LIPN: variants seen among roughly 807,000 people sequenced by gnomAD.
LIPN encodes the protein lipase member N.
Under a neutral mutation model 43.7 loss-of-function variants are expected in LIPN, and 32 were observed. The ratio of observed to expected loss-of-function variants is 0.73; its 90% CI spans 0.55 to 0.98. The LOEUF (loss-of-function observed/expected upper bound fraction) is 0.98, where lower values mean the gene tolerates loss of function less well. Among genes scored for constraint, LIPN ranks in the 50% least tolerant of loss-of-function variants. LIPN has a pLI of 0.00. For missense variants in LIPN, 505 were observed against 483.8 expected, an observed-to-expected ratio of 1.04 and a Z score of -0.41; for synonymous variants, 156 against 157.6, an observed-to-expected ratio of 0.99 and a Z score of 0.08.
intron 3 of LIPN, 96 bp from the exon 4 acceptor site, chr10:88,764,314 G>A: frequency 1.1e-6 from 1 of 926,694 alleles, no homozygotes; most frequent in Non-Finnish European, 1.7e-6. Context: ...TGTCTGTGAT[G>A]TTTCCGACAT....
chr10:88,763,918 A>T (rs1316992303), intron 3 of LIPN, among the ~76,000 whole-genome samples: 1 of 152,038 alleles, frequency 6.6e-6, no homozygotes, highest in African/African-American at 2.4e-5. Flanking sequence ...TAAGCATGAT[A>T]AATTTTGTGT....
chr10:88,766,173 G>A, intron 4 of LIPN, 96 bp from the exon 5 acceptor site: 2 of 692,048 alleles, frequency 2.9e-6, no homozygotes, highest in Admixed American at 4.6e-5. Context: ...TAAGTAAACA[G>A]CATAGAATCT....
intron 2 of LIPN, 23 bp downstream of exon 2, chr10:88,761,536 G>A (rs368757108): frequency 2.2e-5 from 33 of 1,508,238 alleles, no homozygotes; most frequent in Non-Finnish European, 2.9e-5. Flanking sequence ...AAACTGTGAA[G>A]AACATCAAAT....
At position 88,770,855 on chromosome 10, in the gene LIPN, G is replaced by A; in HGVS notation, c.683G>A (p.Gly228Asp). The stretch of plus-strand genomic sequence containing the variant: ...TATTTACTTTCATAGGCTGTTTTTG[G>A]TACCAAAGGTTTCTTTTTAGAAGAT... ...LPNSIIKAVF[G>D]TKGFFLEDKK... The change falls in exon 7 of 10, where the codon GGT becomes GAT. Residue 228 changes from glycine to aspartate, a missense_variant. Transcript: ENST00000404459. 2 of 1,510,180 alleles carry A rather than the reference G, an allele frequency of 1.3e-6. No homozygotes were observed. The highest frequency in any genetic ancestry group is 2.5e-5 in the South Asian group (2 of 80,518). The allele number at this position is 1,510,180 out of a possible 1,614,324, so 93.5% of individuals were successfully genotyped here. A position where few individuals can be genotyped will look rare whatever the true frequency, so the allele number is the denominator to read the frequency against.
At chr10:88,774,244 A>G (rs536229141) in intron 7 of LIPN, among the ~76,000 whole-genome samples, 2 of 152,156 alleles carry the variant, frequency 1.3e-5, no homozygotes, top group South Asian at 4.1e-4. Flanking sequence ...ATTATCCTAC[A>G]GATTCAGAGC....
chr10:88,767,644 CAAAAA>C (rs61646268), intron 5 of LIPN, among the ~76,000 whole-genome samples: 2 of 61,522 alleles, frequency 3.3e-5, no homozygotes, highest in African/African-American at 1.3e-4. Flanking sequence ...ACTTGATCTG[CAAAAA>C]AAAAAAAAAA....
rs1433391929 is a variant in LIPN, at chr10:88,779,453, T to C, written c.*1211T>C. ...TCACTATGAAAACCATGTGATAATA[T>C]GGAAAAATACCCATGATATAATGTT... On this transcript the variant is annotated 3_prime_UTR_variant, in exon 10 of 10. Coordinates refer to ENST00000404459, the MANE Select transcript of LIPN (RefSeq NM_001102469.2). Among the ~76,000 whole-genome samples, 1 of 152,110 alleles carries C rather than the reference T, an allele frequency of 6.6e-6. No individual in the cohort carries two copies. Among genetic ancestry groups the C allele is most frequent in the Non-Finnish European group, 1.5e-5 (1 of 68,008 alleles).
Position 88,766,307 on chromosome 10 carries a change from T to C in LIPN, c.464T>C (p.Ile155Thr), listed in dbSNP as rs751384585. 6.8e-6 allele frequency: 11 copies of C among 1,609,248 alleles called. No individual in the cohort carries two copies. Among genetic ancestry groups the C allele is most frequent in the Admixed American group, 5.0e-5 (3 of 59,752 alleles). The stretch of plus-strand genomic sequence containing the variant: ...GCCAAATATGATCTCCCAGGAGTAA[T>C]AGACTTCATTGTAAATAAAACTGGT... ...EMAKYDLPGV[I>T]DFIVNKTGQE... The change falls in exon 5 of 10, where the codon ATA becomes ACA. Residue 155 changes from isoleucine (I) to threonine (T), a missense_variant. Coordinates refer to ENST00000404459, the MANE Select transcript of LIPN (RefSeq NM_001102469.2).
chr10:88,764,463 T>C lies in LIPN; in HGVS notation c.280T>C (p.Trp94Arg), dbSNP rs375285604. The C allele has an allele frequency of 1.9e-6, 3 of 1,612,392 alleles. No individual in the cohort carries two copies. The African/African-American group carries it at 4.0e-5, about 22-fold the overall frequency. ...TGCCCTGTTTGCAGACAATGCCTAC[T>C]GGCTTGAGAATTATGCTAATGGAAG... ...QHALFADNAY[W>R]LENYANGSLG... is the part of the protein sequence containing the mutation. The change falls in exon 4 of 10, where the codon TGG becomes CGG. Residue 94 changes from tryptophan (W) to arginine (R), a missense_variant. Physicochemically the swap from Trp to Arg is moderately radical, Grantham distance 101. Transcript: ENST00000404459.
chr10:88,777,596 A>G (rs1388296122), intron 9 of LIPN, among the ~76,000 whole-genome samples: 1 of 151,644 alleles, frequency 6.6e-6, no homozygotes, highest in Non-Finnish European at 1.5e-5. Flanking sequence ...ATTCCTTTAC[A>G]TATTCTGTTC....
chr10:88,779,419 G>A lies in LIPN; in HGVS notation c.*1177G>A, dbSNP rs186133004. Among the ~76,000 whole-genome samples the A allele has an allele frequency of 9.1e-4, 138 of 152,206 alleles. No homozygotes were observed. Among genetic ancestry groups the A allele is most frequent in the Non-Finnish European group, 1.6e-3 (107 of 68,008 alleles). On this transcript the variant is annotated 3_prime_UTR_variant, in exon 10 of 10. Transcript: ENST00000404459. The stretch of plus-strand genomic sequence containing the variant: ...AATTTAATGTATACGTATTGATGGG[G>A]AATAATGGTCACTATGAAAACCATG...
rs753797366 is a variant in LIPN at position 88,774,647 on chromosome 10, C to T, written c.891+103C>T. 7.9e-5 allele frequency: 74 copies of T among 934,226 alleles called. 3 individuals carry two copies. The highest frequency in any genetic ancestry group is 5.6e-4 in the Middle Eastern group (2 of 3,566). The allele number at this position is 934,226 out of a possible 1,614,324, so 57.9% of individuals were successfully genotyped here. ...AGGCCTACCCTAAGAATCTTAAGAG[C>T]TTGCTTCCAGTTTGTCCTTGCTGCC... On this transcript the variant is annotated intron_variant, in intron 8 of 9. Transcript: ENST00000404459.
In LIPN at chr10:88,779,548, A is replaced by G. The variant is rs1307453731; in HGVS notation, c.*1306A>G. Among the ~76,000 whole-genome samples, 1 of 152,218 alleles carries G rather than the reference A, an allele frequency of 6.6e-6. No homozygotes were observed. Among genetic ancestry groups the G allele is most frequent in the Non-Finnish European group, 1.5e-5 (1 of 68,036 alleles). On this transcript the variant is annotated 3_prime_UTR_variant, in exon 10 of 10. Transcript: ENST00000404459. ...AATATATACAAATATTAAAACAATT[A>G]TATGACTTTATAAAATATTTGTATA...
At chr10:88,769,580 TAATCAA>T (rs1843172043) in intron 6 of LIPN, 49 of 984,564 alleles carry the variant, frequency 5.0e-5, no homozygotes, top group Non-Finnish European at 5.7e-5. Context: ...ACACAGCATT[TAATCAA>T]ATTCCAGATT....
intron 5 of LIPN, among the ~76,000 whole-genome samples, chr10:88,767,615 G>A (rs1843124861): frequency 9.8e-6 from 1 of 102,400 alleles, no homozygotes; most frequent in Admixed American, 1.4e-4. Context: ...AAGTGGGTAG[G>A]ACTTAGATAT....
chr10:88,768,712 CTAAGCAGAGCCCCAATT>C lies in LIPN; in HGVS notation c.536-78_536-62del. On this transcript the variant is annotated intron_variant, in intron 5 of 9. Coordinates refer to ENST00000404459, the MANE Select transcript of LIPN (RefSeq NM_001102469.2). ...TGATCACGATAGAAGGAAAAAATGA[CTAAGCAGAGCCCCAATT>C]TTGTTAGAAACACTGCGTAAGTATT... is the stretch of plus-strand genomic sequence containing the variant. The C allele has an allele frequency of 2.5e-6, 3 of 1,223,606 alleles. No individual in the cohort carries two copies. In the South Asian group the frequency reaches 4.3e-5, roughly 18 times the overall value. The allele number at this position is 1,223,606 out of a possible 1,614,324, so 75.8% of individuals were successfully genotyped here.
intron 5 of LIPN, among the ~76,000 whole-genome samples, chr10:88,767,627 C>A (rs1843125311): frequency 1.1e-5 from 1 of 93,584 alleles, no homozygotes; most frequent in African/African-American, 4.1e-5. Context: ...CTTAGATATG[C>A]TCTTATACTT....
At chr10:88,764,275 T>G in intron 3 of LIPN, 135 bp from the exon 4 acceptor site, 1 of 600,116 alleles carries the variant, frequency 1.7e-6, no homozygotes, top group Non-Finnish European at 2.9e-6. Context: ...TGAAAACAGT[T>G]TTTGTTTTAC....
chr10:88,774,331 T>C lies in LIPN; in HGVS notation c.820-142T>C, dbSNP rs1843258913. ...ACTCACATTAAAGTATTGACCTAAA[T>C]GGTATATTTATCTAGATAATTCTAC... On this transcript the variant is annotated intron_variant, in intron 7 of 9. Transcript: ENST00000404459. The C allele has an allele frequency of 6.7e-6, 4 of 600,236 alleles. No individual in the cohort carries two copies. The Admixed American group carries it at 8.6e-5, about 13-fold the overall frequency. 37.2% of individuals were successfully genotyped at this position (600,236 alleles called of 1,614,324 possible).
Sources: allele counts gnomAD v4.1 joint callset (sites outside exome capture counted in the v4.1 genomes callset), GRCh38; gene constraint gnomAD v4.1.1; transcripts MANE v1.5; gene names NCBI Gene and HGNC (gene_info 2026-07-23, HGNC 2026-07-21).